The following DLG2 variants were observed in gnomAD, a reference collection of about 807,000 sequenced individuals.
The protein encoded by DLG2 is disks large homolog 2.
Under a neutral mutation model 132.5 loss-of-function variants are expected in DLG2, and 45 were observed. That is an observed-to-expected ratio of 0.34 (90% confidence interval 0.27 to 0.44). The LOEUF (loss-of-function observed/expected upper bound fraction) is 0.44. DLG2 is among the 20% of genes least tolerant of loss of function. DLG2 has a pLI of 1.00. For missense variants in DLG2, 1,045 were observed against 1,196.9 expected, an observed-to-expected ratio of 0.87 and a Z score of 1.87; for synonymous variants, 424 against 419.6, an observed-to-expected ratio of 1.01 and a Z score of -0.13.
intron 18 of DLG2, among the ~76,000 whole-genome samples, chr11:83,749,618 A>G (rs1285179042): frequency 6.6e-6 from 1 of 152,146 alleles, no homozygotes. Context: ...GCTGTATGCC[A>G]TCTTTGAGTT....
At chr11:84,444,813 T>A (rs1272701647) in intron 7 of DLG2, among the ~76,000 whole-genome samples, 2 of 151,948 alleles carry the variant, frequency 1.3e-5, no homozygotes, top group Non-Finnish European at 2.9e-5. Flanking sequence ...TTTTTTTTTT[T>A]TTTTCTTTGA....
chr11:85,390,570 T>C lies in DLG2; in HGVS notation c.41-105205A>G, dbSNP rs191854534. ...ACAAGTCTCAACAAATTTAAGAAAA[T>C]CTAAATTATAGCAAGTATTCTCTCA... On this transcript the variant is annotated intron_variant, in intron 3 of 27. Coordinates refer to ENST00000376104, the MANE Select transcript of DLG2 (RefSeq NM_001142699.3). 2.6e-5 allele frequency among the ~76,000 whole-genome samples: 4 copies of C among 151,434 alleles called. No homozygotes were observed. The East Asian group carries it at 7.8e-4, about 29-fold the overall frequency.
intron 6 of DLG2, among the ~76,000 whole-genome samples, chr11:85,068,234 C>T (rs12283554): frequency 3.3e-5 from 5 of 152,074 alleles, no homozygotes. Context: ...CCTTTGAAAA[C>T]TGGCACAAGA....
intron 7 of DLG2, among the ~76,000 whole-genome samples, chr11:84,477,115 T>G (rs1323670848): frequency 6.6e-6 from 1 of 152,062 alleles, no homozygotes; most frequent in Non-Finnish European, 1.5e-5. Flanking sequence ...AGAAGCCCAA[T>G]ATAAAAATAA....
rs565158127 is a variant in DLG2 at position 85,348,910 on chromosome 11, T to G, written c.41-63545A>C. Among the ~76,000 whole-genome samples the G allele has an allele frequency of 1.1e-4, 16 of 152,304 alleles. No homozygotes were observed. The Middle Eastern group carries it at 0.01, about 97-fold the overall frequency. ...ACTGCTGACAGTATTCTTTCTAACA[T>G]GCAAATTTGATTAATTTACTTCCCC... On this transcript the variant is annotated intron_variant, in intron 3 of 27. Coordinates refer to ENST00000376104, the MANE Select transcript of DLG2 (RefSeq NM_001142699.3).
intron 6 of DLG2, among the ~76,000 whole-genome samples, chr11:84,771,032 G>C (rs925183016): frequency 6.6e-6 from 1 of 152,222 alleles, no homozygotes; most frequent in East Asian, 1.9e-4. Flanking sequence ...CTATTTATGG[G>C]CACCTGGGTT....
Position 83,689,975 on chromosome 11 carries a change from TTATAA to T in DLG2, c.1826-56655_1826-56651del, listed in dbSNP as rs540636785. ...TATATTTATATAATATATATTTATA[TTATAA>T]TATATTTATTATAATATTATATTTA... On this transcript the variant is annotated intron_variant, in intron 18 of 27. Transcript: ENST00000376104. Among the ~76,000 whole-genome samples the T allele has an allele frequency of 9.6e-3, 1,383 of 143,864 alleles. 24 individuals are homozygous for T. Among genetic ancestry groups the T allele is most frequent in the African/African-American group, 0.032 (1,246 of 39,306 alleles). The allele number at this position is 143,864 out of a possible 152,430, so 94.4% of individuals were successfully genotyped here.
intron 6 of DLG2, among the ~76,000 whole-genome samples, chr11:84,831,652 A>T (rs1359430101): frequency 6.6e-6 from 1 of 151,444 alleles, no homozygotes; most frequent in Admixed American, 6.6e-5. Flanking sequence ...TTACTGTTCT[A>T]CTAATTCAAC....
At chr11:84,470,481 T>C (rs948875775) in intron 7 of DLG2, among the ~76,000 whole-genome samples, 1 of 151,746 alleles carries the variant, frequency 6.6e-6, no homozygotes, top group Non-Finnish European at 1.5e-5. Context: ...CAACTAACAA[T>C]TGTCATTTAC....
chr11:84,069,744 T>C (rs990713330), intron 10 of DLG2, among the ~76,000 whole-genome samples: 6 of 152,192 alleles, frequency 3.9e-5, no homozygotes, highest in Non-Finnish European at 5.9e-5. Context: ...GGGACAGAAA[T>C]TGCTATTTCA....
intron 7 of DLG2, among the ~76,000 whole-genome samples, chr11:84,477,500 AAAAT>A (rs2099124991): frequency 1.3e-5 from 2 of 152,126 alleles, no homozygotes; most frequent in Non-Finnish European, 2.9e-5. Flanking sequence ...TGTCTCAAGA[AAAAT>A]AAATAAATAA....
intron 3 of DLG2, among the ~76,000 whole-genome samples, chr11:85,435,465 C>G (rs2091427908): frequency 6.6e-6 from 1 of 152,142 alleles, no homozygotes; most frequent in African/African-American, 2.4e-5. Flanking sequence ...TCAGCAAAGT[C>G]TCAGAATACA....
intron 26 of DLG2, 139 bp from the exon 27 acceptor site, chr11:83,462,232 C>T: frequency 1.7e-6 from 1 of 602,086 alleles, no homozygotes; most frequent in Non-Finnish European, 3.0e-6. Flanking sequence ...TTCAGGACTC[C>T]TCTGTGCTGG....
intron 3 of DLG2, among the ~76,000 whole-genome samples, chr11:85,568,768 A>G (rs1037893850): frequency 1.3e-5 from 2 of 151,978 alleles, no homozygotes; most frequent in Non-Finnish European, 2.9e-5. Flanking sequence ...CACACTTTCA[A>G]TCCTGATTTT....
intron 6 of DLG2, among the ~76,000 whole-genome samples, chr11:84,799,488 C>A (rs956305294): frequency 2.6e-5 from 4 of 152,150 alleles, no homozygotes; most frequent in Non-Finnish European, 5.9e-5. Context: ...ATTGTGATTG[C>A]TCACCTGATT....
At chr11:85,350,533 T>C (rs1471664552) in intron 3 of DLG2, among the ~76,000 whole-genome samples, 1 of 152,240 alleles carries the variant, frequency 6.6e-6, no homozygotes, top group Non-Finnish European at 1.5e-5. Flanking sequence ...AGGGTTTTTA[T>C]GGTTTTAGGT....
At chr11:85,346,697 C>T (rs1297628016) in intron 3 of DLG2, among the ~76,000 whole-genome samples, 1 of 152,180 alleles carries the variant, frequency 6.6e-6, no homozygotes, top group East Asian at 1.9e-4. Context: ...CAAGTCCTAG[C>T]CTCATTTTCC....
At chr11:84,840,382 A>G (rs1377378225) in intron 6 of DLG2, among the ~76,000 whole-genome samples, 1 of 152,146 alleles carries the variant, frequency 6.6e-6, no homozygotes, top group African/African-American at 2.4e-5. Flanking sequence ...ATGCTTTTAC[A>G]CTGTTGATGG....
At chr11:83,563,022 T>C (rs1432051559) in intron 19 of DLG2, among the ~76,000 whole-genome samples, 3 of 143,362 alleles carry the variant, frequency 2.1e-5, no homozygotes, top group Non-Finnish European at 4.5e-5. Flanking sequence ...TTGCCCAGGC[T>C]GGAGTGCAGT....
Sources: allele counts gnomAD v4.1 joint callset (sites outside exome capture counted in the v4.1 genomes callset), GRCh38; gene constraint gnomAD v4.1.1; transcripts MANE v1.5; gene names NCBI Gene and HGNC (gene_info 2026-07-23, HGNC 2026-07-21).